Variants in EIF4G3 observed in about 807,000 individuals in gnomAD.
EIF4G3 encodes eukaryotic translation initiation factor 4 gamma 3.
EIF4G3 carries 34 observed loss-of-function variants against 186.4 expected under a neutral mutation model. That is an observed-to-expected ratio of 0.18 (90% CI 0.14 to 0.24). EIF4G3 has a LOEUF of 0.24. Among genes scored for constraint, EIF4G3 ranks in the 10% least tolerant of loss-of-function variants. The pLI, the probability that EIF4G3 is intolerant of heterozygous loss-of-function variation, is 1.00. For missense variants in EIF4G3, 1,536 were observed against 1,948.5 expected, an observed-to-expected ratio of 0.79 and a Z score of 3.99; for synonymous variants, 673 against 679.5, an observed-to-expected ratio of 0.99 and a Z score of 0.15.
chr1:21,137,638 A>T (rs1371588159), intron 2 of EIF4G3, among the ~76,000 whole-genome samples: 2 of 151,856 alleles, frequency 1.3e-5, no homozygotes, highest in African/African-American at 4.8e-5. Context: ...GTAAGACCTT[A>T]TCTTTACAAA....
At chr1:21,091,578 T>TA (rs201438045) in intron 2 of EIF4G3, among the ~76,000 whole-genome samples, 7 of 151,972 alleles carry the variant, frequency 4.6e-5, no homozygotes, top group Admixed American at 1.3e-4. Flanking sequence ...CTGCCTCTAT[T>TA]AAAAAAAAAT....
At chr1:20,978,643 G>T (rs1041368563) in intron 10 of EIF4G3, among the ~76,000 whole-genome samples, 4 of 143,344 alleles carry the variant, frequency 2.8e-5, no homozygotes, top group East Asian at 2.0e-4. Flanking sequence ...CACGCTACAT[G>T]CCAATTAGTC....
intron 2 of EIF4G3, among the ~76,000 whole-genome samples, chr1:21,105,357 G>A (rs6684346): frequency 0.37 from 56,072 of 151,750 alleles, 10,998 homozygotes; most frequent in Non-Finnish European, 0.43. Flanking sequence ...TTGAACCTGG[G>A]AGGTGGAGGT....
intron 8 of EIF4G3, 76 bp downstream of exon 8, chr1:20,982,312 C>A: frequency 9.6e-7 from 1 of 1,044,584 alleles, no homozygotes; most frequent in South Asian, 1.6e-5. Context: ...TGTATCCATT[C>A]ATTAGCAATC....
At chr1:21,167,645 C>T (rs185683484) in intron 2 of EIF4G3, among the ~76,000 whole-genome samples, 1 of 152,262 alleles carries the variant, frequency 6.6e-6, no homozygotes, top group East Asian at 1.9e-4. Flanking sequence ...GTAATCCCAG[C>T]TACTCAGGAG....
At chr1:21,116,061 A>G (rs913674616) in intron 2 of EIF4G3, among the ~76,000 whole-genome samples, 2 of 152,100 alleles carry the variant, frequency 1.3e-5, no homozygotes, top group African/African-American at 4.8e-5. Context: ...TATTGTAGGC[A>G]TACAACAAAC....
intron 23 of EIF4G3, among the ~76,000 whole-genome samples, chr1:20,861,807 C>T (rs1268757025): frequency 6.6e-6 from 1 of 152,054 alleles, no homozygotes; most frequent in African/African-American, 2.4e-5. Context: ...AATCCTGTCT[C>T]TACTAAAAAT....
In EIF4G3 at chr1:20,973,077, C is replaced by G. The variant is rs139270823; in HGVS notation, c.516G>C (p.Gln172His). 6.2e-7 allele frequency: 1 copy of G among 1,610,200 alleles called. No homozygotes were observed. The highest frequency in any genetic ancestry group is 1.3e-5 in the African/African-American group (1 of 74,708). The change falls in exon 11 of 37, where the codon CAG becomes CAC. Residue 172 changes from glutamine (Q) to histidine (H), a missense_variant. Coordinates refer to ENST00000602326, the MANE Select transcript of EIF4G3 (RefSeq NM_001391906.1). ...TGATAGGTGCTGACTGATACACCGG[C>G]TGACTTGGGTAAAAAGGCGTTCCTA... ...NAYGTPFYPSQPVYQSAPIIV... is the reference protein window; with the variant it reads ...NAYGTPFYPSHPVYQSAPIIV...
At chr1:21,031,986 A>G (rs1319915038) in intron 4 of EIF4G3, among the ~76,000 whole-genome samples, 1 of 152,240 alleles carries the variant, frequency 6.6e-6, no homozygotes, top group Admixed American at 6.5e-5. Flanking sequence ...TGTATTAAGA[A>G]TGGACCTCTA....
chr1:21,006,452 T>C (rs1173246648), intron 4 of EIF4G3, among the ~76,000 whole-genome samples: 1 of 152,222 alleles, frequency 6.6e-6, no homozygotes, highest in Non-Finnish European at 1.5e-5. Context: ...TGGGTGAACA[T>C]ACAGAATTTA....
At chr1:21,164,878 C>A (rs2102995030) in intron 2 of EIF4G3, among the ~76,000 whole-genome samples, 1 of 152,068 alleles carries the variant, frequency 6.6e-6, no homozygotes, top group East Asian at 1.9e-4. Context: ...AAAAGATAAG[C>A]CACTAAATGA....
chr1:20,899,737 T>C lies in EIF4G3; in HGVS notation c.1959A>G (p.Thr653=). The part of the protein sequence containing the change: ...GEGIDANSGS[T]DSSGDGVTFP... Reference sequence around the variant, plus strand: ...ATGTAACCCCATCACCAGAACTATCTGTGGAGCCTGAATTAGCATCTATTC... The same window carrying C: ...ATGTAACCCCATCACCAGAACTATCCGTGGAGCCTGAATTAGCATCTATTC... Residue 653 remains threonine, a synonymous_variant, in exon 16 of 37, where the codon ACA becomes ACG. Coordinates refer to ENST00000602326, the MANE Select transcript of EIF4G3 (RefSeq NM_001391906.1). 1 of 1,614,164 alleles carries C rather than the reference T, an allele frequency of 6.2e-7. No individual in the cohort carries two copies. Among genetic ancestry groups the C allele is most frequent in the Admixed American group, 1.7e-5 (1 of 60,022 alleles).
In EIF4G3 at chr1:20,943,736, TA is replaced by T. The variant is rs1357185998; in HGVS notation, c.824-1407del. On this transcript the variant is annotated intron_variant, in intron 13 of 36. Transcript: ENST00000602326. ...GAAAGCAAATATGCAGTTTATCAGA[TA>T]AATAGGTATTAAATATTACCATTAA... Among the ~76,000 whole-genome samples, 16 of 152,340 alleles carry T rather than the reference TA, an allele frequency of 1.1e-4. No homozygotes were observed. The East Asian group carries it at 2.5e-3, about 24-fold the overall frequency.
intron 2 of EIF4G3, among the ~76,000 whole-genome samples, chr1:21,094,954 GC>G (rs1200583127): frequency 6.6e-6 from 1 of 151,964 alleles, no homozygotes; most frequent in Non-Finnish European, 1.5e-5. Context: ...ATTCACCTGG[GC>G]AATTCTTCCT....
At chr1:21,090,909 G>A (rs1028292984) in intron 2 of EIF4G3, among the ~76,000 whole-genome samples, 1 of 151,908 alleles carries the variant, frequency 6.6e-6, no homozygotes, top group African/African-American at 2.4e-5. Flanking sequence ...TAATGCAAAG[G>A]GTCTTTTTCT....
chr1:20,858,068 AC>A (rs1259032081), intron 24 of EIF4G3, among the ~76,000 whole-genome samples: 1 of 151,684 alleles, frequency 6.6e-6, no homozygotes, highest in African/African-American at 2.4e-5. Context: ...AGCCACCAAC[AC>A]CCCTTTCCTA....
chr1:20,812,077 T>C (rs1452229084), intron 35 of EIF4G3, among the ~76,000 whole-genome samples: 3 of 152,186 alleles, frequency 2.0e-5, no homozygotes, highest in Non-Finnish European at 4.4e-5. Flanking sequence ...CATACGGGTT[T>C]ATATTATCTG....
intron 2 of EIF4G3, among the ~76,000 whole-genome samples, chr1:21,116,426 T>C (rs1572793598): frequency 6.6e-6 from 1 of 152,178 alleles, no homozygotes; most frequent in East Asian, 1.9e-4. Flanking sequence ...TAGGTTTATC[T>C]TAACAAATGA....
chr1:21,150,186 G>A (rs1235637743), intron 2 of EIF4G3, among the ~76,000 whole-genome samples: 1 of 152,186 alleles, frequency 6.6e-6, no homozygotes, highest in Admixed American at 6.5e-5. Context: ...CGCCCCTGCT[G>A]CAGCAGCAGC....
Sources: gnomAD v4.1 joint callset for allele counts (sites outside exome capture counted in the v4.1 genomes callset) on GRCh38, gnomAD v4.1.1 for gene constraint, MANE v1.5 for transcripts, NCBI Gene and HGNC (gene_info 2026-07-23, HGNC 2026-07-21) for gene names.